The following RIPK1 variants were observed in gnomAD, a reference collection of about 807,000 sequenced individuals.
The protein encoded by RIPK1 is receptor-interacting serine/threonine-protein kinase 1.
In RIPK1, 27 loss-of-function variants were observed where a neutral mutation model predicts 62.4. The observed-to-expected ratio is 0.43, with a 90% CI of 0.32 to 0.60. RIPK1 has a LOEUF of 0.60. Ranked by LOEUF, RIPK1 falls within the 20% of genes least tolerant of loss-of-function variation. The probability of loss-of-function intolerance (pLI) is 0.07; values close to 1 mark genes in which losing one functional copy is unlikely to be tolerated. For synonymous variants in RIPK1, 287 were observed against 303.2 expected (o/e 0.95, Z 0.55); for missense variants, 735 against 831.0 (o/e 0.88, Z 1.42).
intron 7 of RIPK1, among the ~76,000 whole-genome samples, chr6:3,094,935 T>C (rs1561766214): frequency 2.6e-5 from 4 of 152,034 alleles, no homozygotes; most frequent in Admixed American, 2.0e-4. Context: ...CATGGTGGCA[T>C]GTGCCAGTAG....
chr6:3,074,191 T>A lies in RIPK1; in HGVS notation c.-60-2573T>A, dbSNP rs111980212. On this transcript the variant is annotated intron_variant, in intron 1 of 10. Coordinates refer to ENST00000259808, the MANE Select transcript of RIPK1 (RefSeq NM_001354930.2). ...ACCCCAGAAAGTTCCTTCATGCCCC[T>A]GCCCACTCAGCCTCACCGTGCTCAC... is the stretch of plus-strand genomic sequence containing the variant. 3.6e-3 allele frequency among the ~76,000 whole-genome samples: 552 copies of A among 152,334 alleles called. 6 individuals are homozygous for A. The highest frequency in any genetic ancestry group is 0.013 in the African/African-American group (530 of 41,572).
chr6:3,083,031 T>C, intron 4 of RIPK1, 54 bp from the exon 5 acceptor site: 1 of 1,557,006 alleles, frequency 6.4e-7, no homozygotes. Context: ...AAGTCAGATC[T>C]GATTTGCTTA....
At chr6:3,075,180 G>A (rs906501854) in intron 1 of RIPK1, among the ~76,000 whole-genome samples, 3 of 152,238 alleles carry the variant, frequency 2.0e-5, no homozygotes, top group Non-Finnish European at 2.9e-5. Flanking sequence ...CACCAGTGAT[G>A]TTTGAGAGGT....
At chr6:3,096,550 GTTTT>G (rs112979664) in intron 7 of RIPK1, among the ~76,000 whole-genome samples, 22 of 98,452 alleles carry the variant, frequency 2.2e-4, no homozygotes, top group Non-Finnish European at 4.3e-4. Context: ...AATATCTCAA[GTTTT>G]TTTTTTTTTT....
chr6:3,081,641 A>G (rs1407787841), intron 4 of RIPK1, among the ~76,000 whole-genome samples: 1 of 152,052 alleles, frequency 6.6e-6, no homozygotes, highest in African/African-American at 2.4e-5. Flanking sequence ...TGGGCGGATC[A>G]CCTGAGGTCG....
At chr6:3,104,084 A>C in intron 7 of RIPK1, 141 bp from the exon 8 acceptor site, 2 of 558,570 alleles carry the variant, frequency 3.6e-6, no homozygotes. Context: ...TTTGGGAAAA[A>C]CATTAATTTT....
At chr6:3,100,405 C>T (rs1760533003) in intron 7 of RIPK1, among the ~76,000 whole-genome samples, 1 of 151,970 alleles carries the variant, frequency 6.6e-6, no homozygotes, top group Non-Finnish European at 1.5e-5. Context: ...TCCTGGGCAA[C>T]AGAGTGAAAC....
At chr6:3,064,877 G>T (rs950445548), upstream of RIPK1, among the ~76,000 whole-genome samples, 1 of 152,114 alleles carries the variant, frequency 6.6e-6, no homozygotes, top group African/African-American at 2.4e-5. Flanking sequence ...AGAAGAAACC[G>T]TTTTAACGAG....
chr6:3,094,027 G>C (rs1315898236), intron 7 of RIPK1, among the ~76,000 whole-genome samples: 2 of 136,690 alleles, frequency 1.5e-5, no homozygotes, highest in African/African-American at 6.0e-5. Flanking sequence ...GCGCCTACCT[G>C]CCGCACCTAG....
chr6:3,067,251 G>A (rs1183680664), upstream of RIPK1, among the ~76,000 whole-genome samples: 5 of 151,842 alleles, frequency 3.3e-5, no homozygotes, highest in Non-Finnish European at 7.4e-5. Context: ...CTTTCAACTC[G>A]TTTGGGTAAA....
intron 5 of RIPK1, among the ~76,000 whole-genome samples, chr6:3,084,685 C>T (rs936225372): frequency 4.0e-5 from 6 of 151,784 alleles, no homozygotes; most frequent in African/African-American, 1.2e-4. Context: ...CCTCCACCTC[C>T]CAGGTTCAAG....
At chr6:3,082,345 C>T (rs1180271081) in intron 4 of RIPK1, among the ~76,000 whole-genome samples, 2 of 152,210 alleles carry the variant, frequency 1.3e-5, no homozygotes, top group Non-Finnish European at 2.9e-5. Context: ...ATTTTAGGTA[C>T]TCATGTGCCA....
chr6:3,070,509 C>T (rs886280288), intron 1 of RIPK1, among the ~76,000 whole-genome samples: 1 of 152,250 alleles, frequency 6.6e-6, no homozygotes, highest in African/African-American at 2.4e-5. Flanking sequence ...GCGATCGCGG[C>T]TTAATGTAAC....
rs771516173 is a variant in RIPK1, at chr6:3,077,038, G to A, written c.164+51G>A. The A allele has an allele frequency of 5.3e-6, 8 of 1,514,224 alleles. No individual in the cohort carries two copies. In the East Asian group the frequency reaches 1.2e-4, roughly 22 times the overall value. 93.8% of individuals were successfully genotyped at this position (1,514,224 alleles called of 1,614,324 possible). A position where few individuals can be genotyped will look rare whatever the true frequency, so the allele number is the denominator to read the frequency against. On this transcript the variant is annotated intron_variant, in intron 2 of 10. Transcript: ENST00000259808. The stretch of plus-strand genomic sequence containing the variant: ...GCTAAGTTCTGAGCGGGATGGGGAC[G>A]TTGGCTGTTGTGGAGCCGTTGGCTG...
chr6:3,069,013 C>A (rs1009779341), intron 1 of RIPK1: 2 of 152,310 alleles, frequency 1.3e-5, no homozygotes, highest in East Asian at 1.9e-4. Context: ...AGGGGTGCTC[C>A]GCTAGGTGTC....
intron 1 of RIPK1, among the ~76,000 whole-genome samples, chr6:3,069,508 T>G (rs1246003120): frequency 6.6e-6 from 1 of 152,324 alleles, no homozygotes; most frequent in East Asian, 1.9e-4. Flanking sequence ...CTTTCTCTCT[T>G]GCTGACCATT....
chr6:3,084,590 CCT>C (rs1491406616), intron 5 of RIPK1, among the ~76,000 whole-genome samples: 1 of 68,714 alleles, frequency 1.5e-5, no homozygotes, highest in Non-Finnish European at 3.4e-5. Flanking sequence ...CCTTGTACAT[CCT>C]TTTTTTTTTT....
chr6:3,089,951 C>T (rs1005585816), intron 7 of RIPK1, among the ~76,000 whole-genome samples: 3 of 152,184 alleles, frequency 2.0e-5, no homozygotes, highest in Non-Finnish European at 4.4e-5. Flanking sequence ...TTGAGGAATT[C>T]TTGAAAGATA....
At position 3,083,195 on chromosome 6, in the gene RIPK1, C is replaced by T; in HGVS notation, c.570C>T (p.Leu190=). ...DGTAKKNGGT[L]YYMAPEHLND... is the part of the protein sequence containing the mutation. ...CCGCTAAGAAGAATGGCGGCACCCT[C>T]TACTACATGGCGCCCGAGCACCTGA... is the stretch of plus-strand genomic sequence containing the variant. Residue 190 remains leucine (L), a synonymous_variant, in exon 5 of 11, where the codon CTC becomes CTT. Transcript: ENST00000259808. The T allele has an allele frequency of 6.2e-7, 1 of 1,614,052 alleles. No homozygotes were observed.
Sources: gnomAD v4.1 joint callset for allele counts (sites outside exome capture counted in the v4.1 genomes callset) on GRCh38, gnomAD v4.1.1 for gene constraint, MANE v1.5 for transcripts, NCBI Gene and HGNC (gene_info 2026-07-23, HGNC 2026-07-21) for gene names.